Variants in SCMH1 observed in about 807,000 individuals in gnomAD.
SCMH1 encodes the protein Scm polycomb group protein homolog 1.
A neutral mutation model predicts 70.8 loss-of-function variants in SCMH1; 37 were observed. The ratio of observed to expected loss-of-function variants is 0.52; its 90% CI spans 0.40 to 0.69. The LOEUF (loss-of-function observed/expected upper bound fraction) is 0.69. SCMH1 is among the 30% of genes least tolerant of loss of function. The pLI is 0.00. For missense variants in SCMH1, 607 were observed against 827.3 expected, an observed-to-expected ratio of 0.73 and a Z score of 3.27; for synonymous variants, 292 against 307.4, an observed-to-expected ratio of 0.95 and a Z score of 0.52.
At chr1:41,242,256 C>T (rs1392614952), upstream of SCMH1, 1 of 144,292 alleles carries the variant, frequency 6.9e-6, no homozygotes, top group African/African-American at 2.5e-5. This position sits in a 1 kb window ranked among gnomAD's most constrained non-coding sequence, Gnocchi z 5.2. Context: ...CGGCCCCTCC[C>T]CCGCGCCTCC....
chr1:41,154,685 T>G (rs1645360620), intron 4 of SCMH1, among the ~76,000 whole-genome samples: 1 of 152,160 alleles, frequency 6.6e-6, no homozygotes, highest in Non-Finnish European at 1.5e-5. Context: ...AACATGAAAA[T>G]CTCATTCATC....
intron 4 of SCMH1, among the ~76,000 whole-genome samples, chr1:41,153,554 T>C (rs1645255147): frequency 6.6e-6 from 1 of 152,152 alleles, no homozygotes; most frequent in South Asian, 2.1e-4. Context: ...ATATCAACCA[T>C]GGTAATCAAT....
At chr1:41,057,264 T>G (rs1381222317) in intron 10 of SCMH1, among the ~76,000 whole-genome samples, 13 of 152,034 alleles carry the variant, frequency 8.6e-5, no homozygotes, top group African/African-American at 3.1e-4. Flanking sequence ...GTTGTTTTTT[T>G]GTTTGTTTGT....
chr1:41,027,807 G>A (rs887766645), exon 15 of SCMH1: 5 of 192,970 alleles, frequency 2.6e-5, no homozygotes, highest in Non-Finnish European at 4.2e-5. Flanking sequence ...GGGGAATCTG[G>A]TGAGAAGGTA....
At chr1:41,203,085 C>A (rs1319418442) in intron 1 of SCMH1, among the ~76,000 whole-genome samples, 2 of 151,756 alleles carry the variant, frequency 1.3e-5, no homozygotes, top group East Asian at 3.9e-4. Flanking sequence ...CCCAGTATAT[C>A]ATATTATTTT....
chr1:41,093,708 C>A (rs1226977741), intron 8 of SCMH1, among the ~76,000 whole-genome samples: 1 of 152,046 alleles, frequency 6.6e-6, no homozygotes, highest in African/African-American at 2.4e-5. Flanking sequence ...ACAGATTTCC[C>A]AAATATCAGC....
intron 8 of SCMH1, among the ~76,000 whole-genome samples, chr1:41,105,982 C>T (rs1450862691): frequency 6.6e-6 from 1 of 151,382 alleles, no homozygotes; most frequent in Non-Finnish European, 1.5e-5. Flanking sequence ...TCAAGCGATT[C>T]TCCTGCCTCA....
At chr1:41,207,012 G>A (rs1655712825) in intron 1 of SCMH1, among the ~76,000 whole-genome samples, 1 of 152,120 alleles carries the variant, frequency 6.6e-6, no homozygotes, top group African/African-American at 2.4e-5. Context: ...TCACCACCAG[G>A]CCTGCCTTAC....
chr1:41,091,304 A>G (rs1311815967), intron 8 of SCMH1, among the ~76,000 whole-genome samples: 2 of 152,244 alleles, frequency 1.3e-5, no homozygotes, highest in African/African-American at 4.8e-5. Flanking sequence ...ATCTCAATAG[A>G]TGCAGAAAAG....
chr1:41,097,644 A>G (rs1665459302), intron 8 of SCMH1, among the ~76,000 whole-genome samples: 1 of 152,100 alleles, frequency 6.6e-6, no homozygotes, highest in Non-Finnish European at 1.5e-5. Context: ...AATCAAATTC[A>G]TTTCTTCCAC....
chr1:41,166,385 C>T (rs1646409789), intron 2 of SCMH1, among the ~76,000 whole-genome samples: 1 of 152,032 alleles, frequency 6.6e-6, no homozygotes, highest in South Asian at 2.1e-4. Context: ...TGAAGAATGA[C>T]ATTAGAATTT....
intron 4 of SCMH1, among the ~76,000 whole-genome samples, chr1:41,156,943 T>C (rs375733427): frequency 6.2e-5 from 9 of 144,912 alleles, no homozygotes; most frequent in Admixed American, 1.5e-4. Flanking sequence ...GGATTACAAG[T>C]ATAAGCCAAC....
intron 13 of SCMH1, among the ~76,000 whole-genome samples, chr1:41,032,494 T>G (rs1236050079): frequency 6.6e-6 from 1 of 152,090 alleles, no homozygotes; most frequent in Non-Finnish European, 1.5e-5. Context: ...ATGTGTGTGT[T>G]GAGGAAGAGG....
At chr1:41,189,574 G>T (rs1332209745) in intron 1 of SCMH1, among the ~76,000 whole-genome samples, 6 of 152,144 alleles carry the variant, frequency 3.9e-5, no homozygotes, top group Admixed American at 1.3e-4. Flanking sequence ...CCAGAAGAAG[G>T]GGGAGGAAGG....
At chr1:41,041,204 T>C (rs1364248114) in intron 12 of SCMH1, 1 of 152,054 alleles carries the variant, frequency 6.6e-6, no homozygotes, top group Non-Finnish European at 1.5e-5. Flanking sequence ...ATAGTCCTTG[T>C]GCATGTTTAC....
chr1:41,048,630 A>G (rs910752223), intron 11 of SCMH1, 60 bp downstream of exon 11: 17 of 1,484,316 alleles, frequency 1.1e-5, no homozygotes, highest in Non-Finnish European at 1.5e-5. Context: ...ACAAGAAATC[A>G]ACCAGTTGAG....
At chr1:41,067,530 C>G (rs932796619) in intron 10 of SCMH1, among the ~76,000 whole-genome samples, 1 of 144,564 alleles carries the variant, frequency 6.9e-6, no homozygotes, top group African/African-American at 2.5e-5. Flanking sequence ...ATGCATAATA[C>G]TAAGTGAAAG....
chr1:41,084,891 A>G (rs1446884573), intron 8 of SCMH1, among the ~76,000 whole-genome samples: 2 of 149,446 alleles, frequency 1.3e-5, no homozygotes, highest in South Asian at 4.3e-4. Context: ...AAAACCAAAC[A>G]CTGCATATTC....
At chr1:41,095,296 T>A (rs1225186594) in intron 8 of SCMH1, among the ~76,000 whole-genome samples, 1 of 152,214 alleles carries the variant, frequency 6.6e-6, no homozygotes, top group African/African-American at 2.4e-5. Flanking sequence ...CCTAGCAGAC[T>A]ACAAATTCTC....
Sources: gnomAD v4.1 joint callset for allele counts (sites outside exome capture counted in the v4.1 genomes callset) on GRCh38, gnomAD v4.1.1 for gene constraint, Gnocchi (gnomAD v3.1) non-coding constraint, MANE v1.5 for transcripts, NCBI Gene and HGNC (gene_info 2026-07-23, HGNC 2026-07-21) for gene names.